Variants in PIK3R3 observed in about 807,000 individuals in gnomAD.
PIK3R3 encodes phosphoinositide-3-kinase regulatory subunit 3.
In PIK3R3, 64 loss-of-function variants were observed where a neutral mutation model predicts 62.9. The observed-to-expected ratio is 1.02, with a 90% CI of 0.83 to 1.25. PIK3R3 has a LOEUF of 1.25. Ranked by LOEUF, PIK3R3 falls within the 50% of genes most tolerant of loss-of-function variation. PIK3R3 has a pLI of 0.00. For synonymous variants in PIK3R3, 165 were observed against 189.0 expected, an observed-to-expected ratio of 0.87 and a Z score of 1.04; for missense variants, 614 against 561.6, an observed-to-expected ratio of 1.09 and a Z score of -0.94.
chr1:46,052,374 G>C (rs1647440237), intron 7 of PIK3R3, among the ~76,000 whole-genome samples: 1 of 152,030 alleles, frequency 6.6e-6, no homozygotes. Context: ...AATCATGAAA[G>C]CTAGCCTTAA....
At chr1:46,091,204 A>C (rs1651599367) in intron 1 of PIK3R3, among the ~76,000 whole-genome samples, 1 of 149,762 alleles carries the variant, frequency 6.7e-6, no homozygotes. Flanking sequence ...GCAATGGTGC[A>C]ATCTCGGCTC....
chr1:46,092,274 T>C (rs746019878), intron 1 of PIK3R3, among the ~76,000 whole-genome samples: 1 of 152,208 alleles, frequency 6.6e-6, no homozygotes, highest in African/African-American at 2.4e-5. Context: ...TATGTTTTTT[T>C]AAAAAAGGCA....
At chr1:46,100,435 A>G (rs544280801) in intron 1 of PIK3R3, among the ~76,000 whole-genome samples, 2 of 152,094 alleles carry the variant, frequency 1.3e-5, no homozygotes, top group Non-Finnish European at 1.5e-5. Context: ...TCATGTATTA[A>G]GTTTCTTTAT....
chr1:46,102,173 G>C (rs1652756743), intron 1 of PIK3R3, among the ~76,000 whole-genome samples: 3 of 151,724 alleles, frequency 2.0e-5, no homozygotes, highest in Non-Finnish European at 2.9e-5. Flanking sequence ...TTTTAGTAGA[G>C]ACGGGGTTTC....
chr1:46,065,989 A>G, intron 5 of PIK3R3, 65 bp downstream of exon 5: 1 of 1,437,012 alleles, frequency 7.0e-7, no homozygotes, highest in South Asian at 1.2e-5. Context: ...CAAGTGAATG[A>G]TCGAAAATTT....
At chr1:46,135,123 A>T (rs941617647), upstream of PIK3R3, among the ~76,000 whole-genome samples, 1 of 152,198 alleles carries the variant, frequency 6.6e-6, no homozygotes, top group African/African-American at 2.4e-5. Flanking sequence ...TCTTTCTTTC[A>T]GTTGAGAAAT....
upstream of PIK3R3, among the ~76,000 whole-genome samples, chr1:46,134,142 C>T (rs74725372): frequency 4.8e-4 from 73 of 152,334 alleles, no homozygotes; most frequent in Non-Finnish European, 8.4e-4. Flanking sequence ...TGCTCCATTT[C>T]CTCTTTACAC....
intron 1 of PIK3R3, among the ~76,000 whole-genome samples, chr1:46,109,524 C>A (rs898269300): frequency 1.3e-5 from 2 of 152,028 alleles, no homozygotes; most frequent in African/African-American, 2.4e-5. Context: ...CCGCCTGTTG[C>A]CCAGGCTGAA....
rs1647067129 is a variant in PIK3R3, at chr1:46,044,757, A to AT, written c.1188-887dup. Among the ~76,000 whole-genome samples the AT allele has an allele frequency of 6.6e-6, 1 of 152,222 alleles. No homozygotes were observed. Among genetic ancestry groups the AT allele is most frequent in the Admixed American group, 6.5e-5 (1 of 15,280 alleles). Reference sequence around the variant, plus strand: ...TCTCCACTAAAATTAATGCTTCCACATGTGCACAGCCTACTAATAATACTT... The same window carrying AT: ...TCTCCACTAAAATTAATGCTTCCACATTGTGCACAGCCTACTAATAATACTT... On this transcript the variant is annotated intron_variant, in intron 9 of 9. Transcript: ENST00000262741. This position sits in a 1 kb window ranked among gnomAD's most constrained non-coding sequence, Gnocchi z 4.2.
At chr1:46,128,531 A>G (rs559894027) in intron 1 of PIK3R3, among the ~76,000 whole-genome samples, 1 of 152,264 alleles carries the variant, frequency 6.6e-6, no homozygotes, top group Non-Finnish European at 1.5e-5. Context: ...AAAGTTATTT[A>G]GCCCTAGGCT....
chr1:46,122,734 A>G (rs1654787232), intron 1 of PIK3R3, among the ~76,000 whole-genome samples: 1 of 152,182 alleles, frequency 6.6e-6, no homozygotes, highest in African/African-American at 2.4e-5. Flanking sequence ...TCTTGCTAAT[A>G]ACATTAAGTA....
intron 1 of PIK3R3, among the ~76,000 whole-genome samples, chr1:46,102,983 T>G (rs1159784601): frequency 6.6e-6 from 1 of 152,140 alleles, no homozygotes; most frequent in Admixed American, 6.5e-5. Context: ...GGAATATTAT[T>G]CAGCCTTAAA....
chr1:46,165,835 G>A, the PIK3R3 span, among the ~76,000 whole-genome samples: 5 of 123,680 alleles, frequency 4.0e-5, no homozygotes, highest in Non-Finnish European at 6.4e-5. Flanking sequence ...GCAGTGGCGC[G>A]ATCTCGGCTC....
At chr1:46,132,973 A>T (rs1655760377), upstream of PIK3R3, 13 of 1,101,276 alleles carry the variant, frequency 1.2e-5, no homozygotes, top group Non-Finnish European at 1.5e-5. Flanking sequence ...CACGCGAGCC[A>T]GGCGAGGAGG....
chr1:46,064,076 G>C (rs890644425), intron 5 of PIK3R3, among the ~76,000 whole-genome samples: 4 of 152,078 alleles, frequency 2.6e-5, no homozygotes, highest in African/African-American at 9.7e-5. Context: ...AGCCAGATAT[G>C]GTGGTGGATG....
chr1:46,056,020 A>G (rs1340102221), intron 6 of PIK3R3, 49 bp from the exon 7 acceptor site: 1 of 1,289,652 alleles, frequency 7.8e-7, no homozygotes, highest in Non-Finnish European at 1.1e-6. Flanking sequence ...TCAAGCAGAC[A>G]GATCCTACTG....
rs193239986 is a variant in PIK3R3, at chr1:46,066,235, T to C, written c.496-56A>G. 25 of 1,233,368 alleles carry C rather than the reference T, an allele frequency of 2.0e-5. No homozygotes were observed. In the Admixed American group the frequency reaches 4.0e-4, roughly 20 times the overall value. The allele number at this position is 1,233,368 out of a possible 1,614,324, so 76.4% of individuals were successfully genotyped here. ...TTAACAATTCTGACATATGTGGAAATAGATTTTCCACATCTATTTTTTAAA... is the reference window on the plus strand; with the variant it reads ...TTAACAATTCTGACATATGTGGAAACAGATTTTCCACATCTATTTTTTAAA... On this transcript the variant is annotated intron_variant, in intron 4 of 9. Transcript: ENST00000262741.
intron 3 of PIK3R3, among the ~76,000 whole-genome samples, chr1:46,071,712 A>AAAATAT (rs1472807815): frequency 4.1e-5 from 1 of 24,654 alleles, no homozygotes; most frequent in African/African-American, 1.5e-4. Flanking sequence ...AAAAAAAAAA[A>AAAATAT]ATATATATAT....
At chr1:46,165,437 C>A in the PIK3R3 span, among the ~76,000 whole-genome samples, 1 of 151,588 alleles carries the variant, frequency 6.6e-6, no homozygotes, top group Non-Finnish European at 1.5e-5. Context: ...TCCTGCGTAG[C>A]TGGGATTACA....
Sources: allele counts gnomAD v4.1 joint callset (sites outside exome capture counted in the v4.1 genomes callset), GRCh38; gene constraint gnomAD v4.1.1; non-coding constraint Gnocchi (gnomAD v3.1); transcripts MANE v1.5; gene names NCBI Gene and HGNC (gene_info 2026-07-23, HGNC 2026-07-21).